The following CNTN4 variants were observed in gnomAD, a reference collection of about 807,000 sequenced individuals.
CNTN4 encodes the protein contactin-4.
Under a neutral mutation model 122.5 loss-of-function variants are expected in CNTN4, and 77 were observed. The observed-to-expected ratio is 0.63, with a 90% confidence interval of 0.52 to 0.76. CNTN4 has a LOEUF of 0.76. Among genes scored for constraint, CNTN4 ranks in the 30% least tolerant of loss-of-function variants. The probability of loss-of-function intolerance (pLI) is 0.00; values close to 1 mark genes in which losing one functional copy is unlikely to be tolerated. For synonymous variants in CNTN4, 512 were observed against 447.0 expected, an observed-to-expected ratio of 1.15 and a Z score of -1.83; for missense variants, 1,256 against 1,259.1, an observed-to-expected ratio of 1.00 and a Z score of 0.04.
chr3:2,478,822 C>T (rs1240930978), intron 3 of CNTN4, among the ~76,000 whole-genome samples: 1 of 152,110 alleles, frequency 6.6e-6, no homozygotes, highest in African/African-American at 2.4e-5. Flanking sequence ...TTTTCTTTCT[C>T]TAGTCTGTCA....
chr3:3,030,653 C>T (rs1418512839), intron 15 of CNTN4, among the ~76,000 whole-genome samples: 1 of 152,206 alleles, frequency 6.6e-6, no homozygotes, highest in African/African-American at 2.4e-5. Context: ...CACCTGAGGT[C>T]TTGTCGAAGA....
chr3:2,114,630 A>G (rs938863924), intron 2 of CNTN4, among the ~76,000 whole-genome samples: 13 of 152,124 alleles, frequency 8.5e-5, no homozygotes, highest in Admixed American at 1.3e-4. Flanking sequence ...TAGAATGTGA[A>G]TGTTATCCCC....
At chr3:2,203,555 A>G (rs754124689) in intron 2 of CNTN4, among the ~76,000 whole-genome samples, 2 of 152,084 alleles carry the variant, frequency 1.3e-5, no homozygotes, top group South Asian at 2.1e-4. Context: ...GTATAATGTC[A>G]TGGGCCATGA....
At chr3:2,124,941 C>T (rs768692891) in intron 2 of CNTN4, among the ~76,000 whole-genome samples, 4 of 152,128 alleles carry the variant, frequency 2.6e-5, no homozygotes, top group Admixed American at 6.5e-5. Flanking sequence ...TTCCTGCCCC[C>T]GCTCCATGTT....
chr3:3,056,038 C>A, intron 24 of CNTN4, 82 bp from the exon 25 acceptor site: 1 of 910,892 alleles, frequency 1.1e-6, no homozygotes, highest in South Asian at 1.4e-5. Flanking sequence ...TGCAGTTCTG[C>A]TGTTTCAAAA....
rs1701814267 is a variant in CNTN4 at position 3,056,556 on chromosome 3, T to A, written c.*336T>A. Reference sequence around the variant, plus strand: ...GTTAACATATAATGTAGATATTAATTTTTTCCTCGGCTGTAAAATGCTATG... The same window carrying A: ...GTTAACATATAATGTAGATATTAATATTTTCCTCGGCTGTAAAATGCTATG... On this transcript the variant is annotated 3_prime_UTR_variant, in exon 25 of 25. Transcript: ENST00000418658. 2 of 161,040 alleles carry A rather than the reference T, an allele frequency of 1.2e-5. No homozygotes were observed. The highest frequency in any genetic ancestry group is 2.7e-5 in the Non-Finnish European group (2 of 73,256). The allele number at this position is 161,040 out of a possible 1,614,324, so 10.0% of individuals were successfully genotyped here. A position where few individuals can be genotyped will look rare whatever the true frequency, so the allele number is the denominator to read the frequency against.
At chr3:2,134,886 G>T in intron 2 of CNTN4, among the ~76,000 whole-genome samples, 1 of 152,302 alleles carries the variant, frequency 6.6e-6, no homozygotes, top group African/African-American at 2.4e-5. Flanking sequence ...AGGGCAATCT[G>T]CTTTACTTAG....
intron 2 of CNTN4, among the ~76,000 whole-genome samples, chr3:2,103,803 C>T (rs1017003724): frequency 1.3e-5 from 2 of 152,096 alleles, no homozygotes; most frequent in Admixed American, 1.3e-4. Context: ...AAAATGGTCC[C>T]TCTTGTTCTC....
At chr3:2,472,586 G>T (rs1355329011) in intron 3 of CNTN4, among the ~76,000 whole-genome samples, 1 of 152,130 alleles carries the variant, frequency 6.6e-6, no homozygotes, top group Non-Finnish European at 1.5e-5. Context: ...TTTTGGAAAT[G>T]ATAGAATGCA....
At chr3:2,120,002 C>A (rs1170268257) in intron 2 of CNTN4, among the ~76,000 whole-genome samples, 1 of 151,798 alleles carries the variant, frequency 6.6e-6, no homozygotes, top group Non-Finnish European at 1.5e-5. Flanking sequence ...TTTTGAGACC[C>A]CCAAACTTGA....
rs368606528 is a variant in CNTN4 at position 2,814,168 on chromosome 3, T to C, written c.359-5318T>C. Reference sequence around the variant, plus strand: ...TGTTGGAAAAAGTTATGTAAAATGCTGACAAATGAAATCAACACCAAAAAG... The same window carrying C: ...TGTTGGAAAAAGTTATGTAAAATGCCGACAAATGAAATCAACACCAAAAAG... On this transcript the variant is annotated intron_variant, in intron 6 of 24. Coordinates refer to ENST00000418658, the MANE Select transcript of CNTN4 (RefSeq NM_175607.3). Among the ~76,000 whole-genome samples the C allele has an allele frequency of 5.9e-5, 9 of 152,338 alleles. No individual in the cohort carries two copies. In the East Asian group the frequency reaches 1.3e-3, roughly 23 times the overall value.
chr3:2,802,373 T>C (rs745478496), intron 6 of CNTN4, among the ~76,000 whole-genome samples: 2 of 152,248 alleles, frequency 1.3e-5, no homozygotes, highest in African/African-American at 2.4e-5. Flanking sequence ...AGTGAGCTTT[T>C]TGCTGTCTGT....
chr3:2,206,320 A>G (rs2149413096), intron 2 of CNTN4, among the ~76,000 whole-genome samples: 1 of 152,228 alleles, frequency 6.6e-6, no homozygotes, highest in Non-Finnish European at 1.5e-5. Flanking sequence ...AGGCTTCTGT[A>G]TCTAGGGATG....
chr3:2,873,955 T>C (rs2093814984), intron 8 of CNTN4, among the ~76,000 whole-genome samples: 1 of 152,218 alleles, frequency 6.6e-6, no homozygotes, highest in South Asian at 2.1e-4. Context: ...ACAGCAATCA[T>C]GTCTTGATTT....
intron 3 of CNTN4, among the ~76,000 whole-genome samples, chr3:2,361,186 C>G (rs1471942102): frequency 2.6e-5 from 4 of 152,116 alleles, no homozygotes; most frequent in Non-Finnish European, 5.9e-5. Flanking sequence ...TCTGTATCTC[C>G]TTCCTAGAAC....
intron 13 of CNTN4, among the ~76,000 whole-genome samples, chr3:2,956,175 A>C (rs1044263604): frequency 3.9e-5 from 6 of 152,248 alleles, no homozygotes; most frequent in African/African-American, 1.2e-4. Flanking sequence ...TAAATGAAAT[A>C]AACTGGACAC....
At chr3:2,758,981 AAC>A (rs1292204707) in intron 6 of CNTN4, among the ~76,000 whole-genome samples, 1 of 152,146 alleles carries the variant, frequency 6.6e-6, no homozygotes, top group Admixed American at 6.5e-5. Context: ...TGTAACCGTT[AAC>A]AGTCACTTTC....
chr3:2,988,712 G>A, intron 14 of CNTN4: 1 of 523,704 alleles, frequency 1.9e-6, no homozygotes, highest in Non-Finnish European at 3.4e-6. Flanking sequence ...TATAGCCATT[G>A]TATCTCTTAT....
chr3:2,168,878 C>G (rs2036317941), intron 2 of CNTN4, among the ~76,000 whole-genome samples: 1 of 152,082 alleles, frequency 6.6e-6, no homozygotes, highest in African/African-American at 2.4e-5. Flanking sequence ...GAAAAATTTC[C>G]TGCTTAAATG....
Sources: gnomAD v4.1 joint callset for allele counts (sites outside exome capture counted in the v4.1 genomes callset) on GRCh38, gnomAD v4.1.1 for gene constraint, MANE v1.5 for transcripts, NCBI Gene and HGNC (gene_info 2026-07-23, HGNC 2026-07-21) for gene names.